PPM1D: variants seen among roughly 807,000 people sequenced by gnomAD.
PPM1D encodes protein phosphatase, Mg2+/Mn2+ dependent 1D, also known as protein phosphatase 1D.
PPM1D carries 52 observed loss-of-function variants against 58.3 expected under a neutral mutation model. The ratio of observed to expected loss-of-function variants is 0.89; its 90% CI spans 0.71 to 1.12. The LOEUF (loss-of-function observed/expected upper bound fraction) is 1.12. PPM1D is among the 50% of genes most tolerant of loss of function. PPM1D has a pLI of 0.00. For synonymous variants in PPM1D, 278 were observed against 285.1 expected (o/e 0.98, Z 0.25); for missense variants, 564 against 777.2 (o/e 0.73, Z 3.26).
At chr17:60,606,500 A>C (rs1199761309) in intron 1 of PPM1D, among the ~76,000 whole-genome samples, 1 of 152,176 alleles carries the variant, frequency 6.6e-6, no homozygotes, top group African/African-American at 2.4e-5. Flanking sequence ...GTACCATTTT[A>C]CATTCCTACC....
At chr17:60,632,884 T>C (rs2030951203) in intron 2 of PPM1D, among the ~76,000 whole-genome samples, 1 of 151,302 alleles carries the variant, frequency 6.6e-6, no homozygotes, top group South Asian at 2.1e-4. Context: ...GAATAATCGC[T>C]TGAACCCAGG....
Position 60,663,284 on chromosome 17 carries a change from C to T in PPM1D, c.1550C>T (p.Thr517Ile), listed in dbSNP as rs140786757. The change falls in exon 6 of 6, where the codon ACT becomes ATT. Residue 517 changes from threonine to isoleucine, a missense_variant. This residue lies in a region of PPM1D where 261 missense variants were observed against 270.1 expected (regional missense o/e 0.97). Transcript: ENST00000305921. ...VMDQKNLKMSTPGQMKAQEIE... is the reference protein window; with the variant it reads ...VMDQKNLKMSIPGQMKAQEIE... ...GACCAAAAAAATTTGAAGATGTCAA[C>T]TCCTGGCCAAATGAAAGCCCAAGAA... 6.8e-5 allele frequency: 110 copies of T among 1,614,170 alleles called. 2 individuals are homozygous for T. The East Asian group carries it at 1.4e-3, about 20-fold the overall frequency.
At chr17:60,649,859 A>T (rs2031312375) in intron 4 of PPM1D, among the ~76,000 whole-genome samples, 1 of 152,228 alleles carries the variant, frequency 6.6e-6, no homozygotes, top group African/African-American at 2.4e-5. Flanking sequence ...TTTTAAGGTG[A>T]GAGTCATCTT....
rs780702707 is a variant in PPM1D at position 60,633,864 on chromosome 17, A to G, written c.713A>G (p.Lys238Arg). 1.2e-6 allele frequency: 2 copies of G among 1,612,828 alleles called. No individual in the cohort carries two copies. Among genetic ancestry groups the G allele is most frequent in the East Asian group, 4.5e-5 (2 of 44,860 alleles). ...IEGLGGSVMN[K>R]SGVNRVVWKR... is the part of the protein sequence containing the mutation. ...CTCTTTATTTTTAGTGTAATGAACA[A>G]GTCTGGGGTGAATCGTGTAGTTTGG... Residue 238 changes from lysine to arginine, a missense_variant, in exon 3 of 6, where the codon AAG (lysine) becomes AGG (arginine). Lys to Arg is a conservative substitution (Grantham distance 26). Around this residue, in one of 7 missense-constraint regions of PPM1D, gnomAD observed 95 missense variants for 232.6 expected, o/e 0.41. Coordinates refer to ENST00000305921, the MANE Select transcript of PPM1D (RefSeq NM_003620.4).
intron 5 of PPM1D, among the ~76,000 whole-genome samples, chr17:60,658,474 C>G (rs1468236630): frequency 1.3e-5 from 2 of 151,260 alleles, no homozygotes; most frequent in African/African-American, 4.9e-5. Context: ...CATGGAGATA[C>G]CCCATCTCTA....
rs1225560391 is a variant in PPM1D, at chr17:60,664,239, G to A, written c.*687G>A. On this transcript the variant is annotated 3_prime_UTR_variant, in exon 6 of 6. Coordinates refer to ENST00000305921, the MANE Select transcript of PPM1D (RefSeq NM_003620.4). ...AAATCTTCAGCATAGAAGGAAGTGTGTTTGCCTAAAACAATCTAAAACAAT... is the reference window on the plus strand; with the variant it reads ...AAATCTTCAGCATAGAAGGAAGTGTATTTGCCTAAAACAATCTAAAACAAT... 4 of 152,610 alleles carry A rather than the reference G, an allele frequency of 2.6e-5. No homozygotes were observed. The East Asian group carries it at 5.8e-4, about 22-fold the overall frequency. 9.5% of individuals were successfully genotyped at this position (152,610 alleles called of 1,614,324 possible).
At chr17:60,645,341 C>T (rs147037708) in intron 3 of PPM1D, among the ~76,000 whole-genome samples, 4 of 150,608 alleles carry the variant, frequency 2.7e-5, no homozygotes, top group South Asian at 2.1e-4. Flanking sequence ...GCAACAAGAG[C>T]GAAACTCCAT....
chr17:60,614,524 G>A (rs1381108555), intron 1 of PPM1D, among the ~76,000 whole-genome samples: 1 of 152,138 alleles, frequency 6.6e-6, no homozygotes, highest in African/African-American at 2.4e-5. Context: ...AGCAGGATGT[G>A]GGTGGTGCCA....
At chr17:60,618,561 G>A (rs1293334022) in intron 1 of PPM1D, among the ~76,000 whole-genome samples, 1 of 152,136 alleles carries the variant, frequency 6.6e-6, no homozygotes, top group East Asian at 1.9e-4. Flanking sequence ...GAATACCTTT[G>A]CATATTTTGT....
rs2031449759 is a variant in PPM1D at position 60,656,842 on chromosome 17, G to GTAT, written c.1260+2_1260+4dup. On this transcript the variant is annotated splice_donor_variant, in intron 5 of 5. Coordinates refer to ENST00000305921, the MANE Select transcript of PPM1D (RefSeq NM_003620.4). LOFTEE classifies it high-confidence loss of function. ...CCCATGTTCTACACCACCAGTCAAG[G>GTAT]TATATAGTTCCATAGTTTTTAAGTT... 6.2e-7 allele frequency: 1 copy of GTAT among 1,613,856 alleles called. No homozygotes were observed. Among genetic ancestry groups the GTAT allele is most frequent in the Admixed American group, 1.7e-5 (1 of 59,984 alleles).
intron 5 of PPM1D, among the ~76,000 whole-genome samples, chr17:60,661,889 C>CA (rs759828400): frequency 1.3e-5 from 2 of 152,102 alleles, no homozygotes; most frequent in South Asian, 4.1e-4. Flanking sequence ...TAGGATAAAC[C>CA]AAAAAACTAC....
chr17:60,611,523 A>G (rs2030454971), intron 1 of PPM1D, among the ~76,000 whole-genome samples: 1 of 151,716 alleles, frequency 6.6e-6, no homozygotes, highest in African/African-American at 2.4e-5. Flanking sequence ...GTTTCAAGCA[A>G]TCCTCCTGCC....
rs575240976 is a variant in PPM1D, at chr17:60,642,222, C to G, written c.827-5670C>G. On this transcript the variant is annotated intron_variant, in intron 3 of 5. Transcript: ENST00000305921. Reference sequence around the variant, plus strand: ...TTGTTGAAAGGTCAGATTCTAGGGACTTTTACTAGCAAATTTGAAGCAACT... The same window carrying G: ...TTGTTGAAAGGTCAGATTCTAGGGAGTTTTACTAGCAAATTTGAAGCAACT... 4.6e-5 allele frequency among the ~76,000 whole-genome samples: 7 copies of G among 152,002 alleles called. No individual in the cohort carries two copies. The East Asian group carries it at 1.4e-3, about 29-fold the overall frequency.
At chr17:60,612,504 C>T (rs943152098) in intron 1 of PPM1D, among the ~76,000 whole-genome samples, 20 of 151,942 alleles carry the variant, frequency 1.3e-4, no homozygotes, top group African/African-American at 4.6e-4. Context: ...TTGATGGGAT[C>T]GTAGTTATGT....
chr17:60,627,812 CTTTA>C (rs1432427686), intron 2 of PPM1D, among the ~76,000 whole-genome samples: 1 of 151,938 alleles, frequency 6.6e-6, no homozygotes, highest in African/African-American at 2.4e-5. Flanking sequence ...GTATCTGAAA[CTTTA>C]TTAATGAACT....
At chr17:60,658,602 C>T (rs1385997870) in intron 5 of PPM1D, among the ~76,000 whole-genome samples, 1 of 147,394 alleles carries the variant, frequency 6.8e-6, no homozygotes, top group Non-Finnish European at 1.5e-5. Flanking sequence ...GAGCCAAGAT[C>T]GTGCCATTGT....
At chr17:60,603,567 A>T (rs1598397529) in intron 1 of PPM1D, among the ~76,000 whole-genome samples, 2 of 152,196 alleles carry the variant, frequency 1.3e-5, no homozygotes, top group African/African-American at 4.8e-5. Flanking sequence ...GTTTGAGACC[A>T]GCCTGGCCAA....
intron 3 of PPM1D, among the ~76,000 whole-genome samples, chr17:60,640,933 AT>A (rs796104862): frequency 1.7e-3 from 253 of 144,714 alleles, no homozygotes; most frequent in African/African-American, 4.8e-3. Context: ...ACATAATTTC[AT>A]TTTTTTTTTT....
At chr17:60,652,559 T>TTTG in intron 4 of PPM1D, among the ~76,000 whole-genome samples, 1 of 145,768 alleles carries the variant, frequency 6.9e-6, no homozygotes, top group East Asian at 2.0e-4. Context: ...TGTTTTTTTT[T>TTTG]TTTTTTTTTT....
Sources: allele counts gnomAD v4.1 joint callset (sites outside exome capture counted in the v4.1 genomes callset), GRCh38; gene constraint gnomAD v4.1.1; regional missense constraint gnomAD v4.1.1; transcripts MANE v1.5; gene names NCBI Gene and HGNC (gene_info 2026-07-23, HGNC 2026-07-21).